The following ACADM variants were observed in gnomAD, a reference collection of about 807,000 sequenced individuals.
ACADM encodes medium-chain specific acyl-CoA dehydrogenase, mitochondrial.
Under a neutral mutation model 58.9 loss-of-function variants are expected in ACADM, and 49 were observed. The ratio of observed to expected loss-of-function variants is 0.83; its 90% CI spans 0.66 to 1.06. ACADM has a LOEUF of 1.06. ACADM is among the 50% of genes least tolerant of loss of function. The pLI is 0.00. For synonymous variants in ACADM, 160 were observed against 157.7 expected, an observed-to-expected ratio of 1.01 and a Z score of -0.11; for missense variants, 496 against 507.0, an observed-to-expected ratio of 0.98 and a Z score of 0.21.
At chr1:75,729,926 GCTCT>G (rs1553122628) in intron 2 of ACADM, among the ~76,000 whole-genome samples, 4 of 97,784 alleles carry the variant, frequency 4.1e-5, no homozygotes, top group Non-Finnish European at 7.3e-5. Flanking sequence ...ACTGAGTCTT[GCTCT>G]GTTGCTCAGG....
intron 7 of ACADM, chr1:75,743,978 TGTGCCGAGC>T: frequency 6.4e-7 from 1 of 1,560,654 alleles, no homozygotes; most frequent in South Asian, 1.1e-5. Context: ...AAAGCCTCTT[TGTGCCGAGC>T]CCTCATCTTC....
chr1:75,729,491 C>G (rs1042608068), intron 2 of ACADM, among the ~76,000 whole-genome samples: 3 of 130,182 alleles, frequency 2.3e-5, no homozygotes, highest in Non-Finnish European at 4.7e-5. Context: ...TAGCCAAAGA[C>G]TGGATGAAAA....
At chr1:75,737,990 C>T (rs1219560981) in intron 6 of ACADM, among the ~76,000 whole-genome samples, 1 of 152,010 alleles carries the variant, frequency 6.6e-6, no homozygotes, top group Non-Finnish European at 1.5e-5. Context: ...GATCTTGGCC[C>T]ACTGCAACCT....
At chr1:75,762,585 T>G in intron 11 of ACADM, 107 bp from the exon 12 acceptor site, 1 of 740,910 alleles carries the variant, frequency 1.3e-6, no homozygotes, top group Non-Finnish European at 2.4e-6. Flanking sequence ...TATGGTTTGA[T>G]TCGGTTTTAT....
chr1:75,758,291 A>C (rs1389606894), intron 10 of ACADM, among the ~76,000 whole-genome samples: 2 of 152,032 alleles, frequency 1.3e-5, no homozygotes, highest in Non-Finnish European at 2.9e-5. Context: ...GGCTGGTCTC[A>C]AACTCCTGAC....
Position 75,745,859 on chromosome 1 carries a change from C to G in ACADM, c.653C>G (p.Ala218Gly), listed in dbSNP as rs764268346. 23 of 1,613,684 alleles carry G rather than the reference C, an allele frequency of 1.4e-5. No homozygotes were observed. Among genetic ancestry groups the G allele is most frequent in the Middle Eastern group, 1.6e-4 (1 of 6,082 alleles). ...DPDPKAPANK[A>G]FTGFIVEADT... ...GATCCTAAAGCTCCTGCTAATAAAG[C>G]CTTTACTGGATTCATTGTGGAAGCA... Residue 218 changes from alanine (A) to glycine (G), a missense_variant, in exon 8 of 12, where the codon GCC becomes GGC. By Grantham distance (60) the Ala-to-Gly change is moderately conservative. Coordinates refer to ENST00000370841, the MANE Select transcript of ACADM (RefSeq NM_000016.6).
Position 75,734,507 on chromosome 1 carries a change from C to T in ACADM, c.388-284C>T, listed in dbSNP as rs115453910. Reference sequence around the variant, plus strand: ...CAATTCTTAGGCCTGATCATACATACTGTGTCACATATTCTAAACATAATT... The same window carrying T: ...CAATTCTTAGGCCTGATCATACATATTGTGTCACATATTCTAAACATAATT... On this transcript the variant is annotated intron_variant, in intron 5 of 11. Transcript: ENST00000370841. 2,314 of 381,638 alleles carry T rather than the reference C, an allele frequency of 6.1e-3. 41 individuals are homozygous for T. Among genetic ancestry groups the T allele is most frequent in the African/African-American group, 0.042 (2,028 of 47,986 alleles). 23.6% of individuals were successfully genotyped at this position (381,638 alleles called of 1,614,324 possible).
chr1:75,753,867 G>A (rs1269633972), intron 10 of ACADM, among the ~76,000 whole-genome samples: 1 of 140,292 alleles, frequency 7.1e-6, no homozygotes, highest in Non-Finnish European at 1.5e-5. Context: ...TGTGATCTCA[G>A]CTCACTGCAA....
chr1:75,729,716 A>G (rs962938946), intron 2 of ACADM, among the ~76,000 whole-genome samples: 1 of 148,670 alleles, frequency 6.7e-6, no homozygotes. Flanking sequence ...CTGGTCTCGA[A>G]CAGCTGAAGA....
chr1:75,751,797 C>A (rs1452644439), intron 10 of ACADM, among the ~76,000 whole-genome samples: 1 of 151,990 alleles, frequency 6.6e-6, no homozygotes, highest in Non-Finnish European at 1.5e-5. Context: ...CTGCGCCTGG[C>A]CTATGTTATA....
At chr1:75,761,545 TTAAGTA>T in intron 11 of ACADM, 175 bp downstream of exon 11, 1 of 707,614 alleles carries the variant, frequency 1.4e-6, no homozygotes. Flanking sequence ...TTATTTGTGA[TTAAGTA>T]TAAGTCTGAA....
rs562722132 is a variant in ACADM at position 75,728,404 on chromosome 1, C to T, written c.34C>T (p.Leu12=). Reference sequence around the variant, plus strand: ...TTAATAAAAGTGTTCTTTACAGGTCCTGAGAAGTATTTCTCGTTTTCATTG... The same window carrying T: ...TTAATAAAAGTGTTCTTTACAGGTCTTGAGAAGTATTTCTCGTTTTCATTG... ...AAGFGRCCRV[L]RSISRFHWRS... is the part of the protein sequence containing the mutation. Residue 12 remains leucine (L), a synonymous_variant, in exon 2 of 12, where the codon CTG becomes TTG. Coordinates refer to ENST00000370841, the MANE Select transcript of ACADM (RefSeq NM_000016.6). 5.6e-6 allele frequency: 9 copies of T among 1,612,070 alleles called. No homozygotes were observed. The highest frequency in any genetic ancestry group is 1.7e-5 in the Admixed American group (1 of 59,992).
intron 2 of ACADM, among the ~76,000 whole-genome samples, chr1:75,730,537 T>C (rs560429403): frequency 7.0e-6 from 1 of 142,856 alleles, no homozygotes; most frequent in African/African-American, 2.5e-5. Flanking sequence ...ATACTTGTCA[T>C]TTTTCCTTTT....
At chr1:75,728,977 A>C (rs1647099675) in intron 2 of ACADM, among the ~76,000 whole-genome samples, 1 of 152,132 alleles carries the variant, frequency 6.6e-6, no homozygotes, top group Non-Finnish European at 1.5e-5. Context: ...GCCCTCTATA[A>C]AATGAAAACT....
intron 2 of ACADM, among the ~76,000 whole-genome samples, chr1:75,731,334 G>T (rs1647147086): frequency 7.6e-6 from 1 of 131,862 alleles, no homozygotes; most frequent in South Asian, 2.3e-4. Flanking sequence ...CTTCAATTCA[G>T]CACCAGAATT....
intron 8 of ACADM, among the ~76,000 whole-genome samples, chr1:75,747,984 T>G (rs948939198): frequency 1.3e-5 from 2 of 152,172 alleles, no homozygotes; most frequent in Non-Finnish European, 2.9e-5. Flanking sequence ...TAGGTCAAAC[T>G]ATCGTTATTA....
chr1:75,762,419 T>G (rs138430105), intron 11 of ACADM, among the ~76,000 whole-genome samples: 1 of 152,156 alleles, frequency 6.6e-6, no homozygotes, highest in Non-Finnish European at 1.5e-5. Context: ...CTTTCTGAAA[T>G]GTAAATATCT....
chr1:75,745,786 C>G lies in ACADM; in HGVS notation c.600-20C>G. On this transcript the variant is annotated intron_variant, in intron 7 of 11. Coordinates refer to ENST00000370841, the MANE Select transcript of ACADM (RefSeq NM_000016.6). ...TATTTGCCGATATTATCACCATTAT[C>G]CGGTATGTGTATCTCTTAGGTATTT... 1 of 1,536,368 alleles carries G rather than the reference C, an allele frequency of 6.5e-7. No individual in the cohort carries two copies. The highest frequency in any genetic ancestry group is 1.1e-5 in the South Asian group (1 of 89,420).
At chr1:75,727,332 A>T (rs569198953) in intron 1 of ACADM, among the ~76,000 whole-genome samples, 1 of 152,244 alleles carries the variant, frequency 6.6e-6, no homozygotes, top group African/African-American at 2.4e-5. Flanking sequence ...TTTGAAAAAC[A>T]TAAGAATTTA....
Sources: gnomAD v4.1 joint callset for allele counts (sites outside exome capture counted in the v4.1 genomes callset) on GRCh38, gnomAD v4.1.1 for gene constraint, MANE v1.5 for transcripts, NCBI Gene and HGNC (gene_info 2026-07-23, HGNC 2026-07-21) for gene names.